ANO2: variants seen among roughly 807,000 people sequenced by gnomAD.
ANO2 encodes the protein anoctamin-2.
ANO2 carries 101 observed loss-of-function variants against 124.2 expected under a neutral mutation model. That is an observed-to-expected ratio of 0.81 (90% CI 0.69 to 0.96). The LOEUF (loss-of-function observed/expected upper bound fraction) is 0.96, where lower values mean the gene tolerates loss of function less well. ANO2 is among the 40% of genes least tolerant of loss of function. ANO2 has a pLI of 0.00. For synonymous variants in ANO2, 486 were observed against 482.5 expected, an observed-to-expected ratio of 1.01 and a Z score of -0.09; for missense variants, 1,293 against 1,274.5, an observed-to-expected ratio of 1.01 and a Z score of -0.22.
rs924671274 is a variant in ANO2, at chr12:5,796,137, TCA to T, written c.1055+3368_1055+3369del. Among the ~76,000 whole-genome samples, 4 of 150,594 alleles carry T rather than the reference TCA, an allele frequency of 2.7e-5. No homozygotes were observed. The East Asian group carries it at 7.8e-4, about 29-fold the overall frequency. On this transcript the variant is annotated intron_variant, in intron 10 of 24. Coordinates refer to ENST00000682330, the MANE Select transcript of ANO2 (RefSeq NM_001364791.2). ...TTCCAGAGAGCTCTCACACACACAC[TCA>T]CACACACACAGTCACACAATCGCTC...
intron 3 of ANO2, among the ~76,000 whole-genome samples, chr12:5,879,257 A>G (rs1251957271): frequency 7.0e-6 from 1 of 142,524 alleles, no homozygotes; most frequent in Non-Finnish European, 1.6e-5. Flanking sequence ...AGGCAGGTAA[A>G]TAAGAAGGGA....
chr12:5,886,231 C>CAAGT (rs199749156), intron 3 of ANO2, among the ~76,000 whole-genome samples: 5,469 of 152,206 alleles, frequency 0.036, 312 homozygotes, highest in African/African-American at 0.12. Flanking sequence ...TGGAAGCAAG[C>CAAGT]GTCTGTAAAT....
chr12:5,767,339 A>C (rs1429869722), intron 10 of ANO2, among the ~76,000 whole-genome samples: 10 of 152,174 alleles, frequency 6.6e-5, no homozygotes, highest in Non-Finnish European at 1.0e-4. Flanking sequence ...ATGACAGAAG[A>C]AGCCAGGCAA....
At chr12:5,848,366 T>G (rs202209665) in intron 4 of ANO2, among the ~76,000 whole-genome samples, 1 of 109,868 alleles carries the variant, frequency 9.1e-6, no homozygotes, top group Non-Finnish European at 2.2e-5. Context: ...CTTCCCCCCC[T>G]CCCCAGTTAC....
At position 5,769,149 on chromosome 12, in the gene ANO2, C is replaced by T. The variant is rs1325911861; in HGVS notation, c.1056-18179G>A. On this transcript the variant is annotated intron_variant, in intron 10 of 24. Coordinates refer to ENST00000682330, the MANE Select transcript of ANO2 (RefSeq NM_001364791.2). This position sits in a 1 kb window ranked among gnomAD's most constrained non-coding sequence, Gnocchi z 4.0. ...CAAGGAGAGGACCCTAGATTTACGA[C>T]ACTCTCCTGTGCTGTGCCACTTTTA... is the stretch of plus-strand genomic sequence containing the variant. Among the ~76,000 whole-genome samples the T allele has an allele frequency of 6.6e-6, 1 of 152,182 alleles. No homozygotes were observed. The highest frequency in any genetic ancestry group is 6.5e-5 in the Admixed American group (1 of 15,282).
At chr12:5,730,395 C>T (rs138389192) in intron 14 of ANO2, among the ~76,000 whole-genome samples, 10 of 152,234 alleles carry the variant, frequency 6.6e-5, no homozygotes, top group African/African-American at 2.4e-4. Flanking sequence ...TAAGCAAATT[C>T]GCGCACCACT....
rs1946030228 is a variant in ANO2, at chr12:5,636,645, C to T, written c.1621-1298G>A. Among the ~76,000 whole-genome samples, 1 of 150,208 alleles carries T rather than the reference C, an allele frequency of 6.7e-6. No individual in the cohort carries two copies. The highest frequency in any genetic ancestry group is 2.1e-4 in the South Asian group (1 of 4,660). The stretch of plus-strand genomic sequence containing the variant: ...ACACACACACACACACACACACACA[C>T]ACACGCATGCACAGGGAGGGAGGCA... On this transcript the variant is annotated intron_variant, in intron 15 of 24. Transcript: ENST00000682330. The surrounding 1 kb of genome is among the most constrained non-coding windows in gnomAD (Gnocchi z 4.6).
chr12:5,941,055 T>A (rs1428619026), intron 1 of ANO2, among the ~76,000 whole-genome samples: 9 of 152,186 alleles, frequency 5.9e-5, no homozygotes, highest in Non-Finnish European at 1.2e-4. Flanking sequence ...AATAGGCATA[T>A]CCATGGAGAC....
chr12:5,853,504 A>G (rs1954989146), intron 4 of ANO2, among the ~76,000 whole-genome samples: 1 of 152,176 alleles, frequency 6.6e-6, no homozygotes. Flanking sequence ...GAACAGTTTG[A>G]AAACACTTAC....
intron 1 of ANO2, among the ~76,000 whole-genome samples, chr12:5,923,184 ATACACACACACGCACGCACACACACC>A (rs1272750107): frequency 7.8e-5 from 5 of 63,894 alleles, no homozygotes; most frequent in Non-Finnish European, 1.5e-4. Flanking sequence ...GCACACACAC[ATACACACACACGCACGCACACACACC>A]CACATACACA....
intron 14 of ANO2, among the ~76,000 whole-genome samples, chr12:5,660,148 T>C (rs1947366537): frequency 1.3e-5 from 2 of 152,190 alleles, no homozygotes; most frequent in South Asian, 2.1e-4. Flanking sequence ...ATGCATTTTC[T>C]ACTTTTAATA....
chr12:5,763,089 T>C (rs1021325985), intron 10 of ANO2, among the ~76,000 whole-genome samples: 5 of 152,072 alleles, frequency 3.3e-5, no homozygotes, highest in South Asian at 4.1e-4. Flanking sequence ...TTTTGTTATA[T>C]TGACAAACAT....
chr12:5,694,697 G>A (rs1037297041), intron 14 of ANO2, among the ~76,000 whole-genome samples: 5 of 152,166 alleles, frequency 3.3e-5, no homozygotes, highest in African/African-American at 1.2e-4. Flanking sequence ...CTGGAAGTTT[G>A]CAGTGGAGCA....
intron 3 of ANO2, among the ~76,000 whole-genome samples, chr12:5,913,895 G>A (rs1044438916): frequency 1.3e-5 from 2 of 152,238 alleles, no homozygotes; most frequent in Non-Finnish European, 2.9e-5. Context: ...AAAAGGAGGT[G>A]GAAAGTGGGA....
chr12:5,910,731 G>C (rs1474394555), intron 3 of ANO2, among the ~76,000 whole-genome samples: 1 of 152,140 alleles, frequency 6.6e-6, no homozygotes, highest in Non-Finnish European at 1.5e-5. Context: ...AAGCTGTCCA[G>C]GGGTAGCAGG....
intron 1 of ANO2, among the ~76,000 whole-genome samples, chr12:5,923,209 C>G: frequency 1.3e-5 from 2 of 148,334 alleles, no homozygotes; most frequent in Non-Finnish European, 3.0e-5. Context: ...CGCACACACA[C>G]CCACATACAC....
intron 4 of ANO2, among the ~76,000 whole-genome samples, chr12:5,843,631 T>C (rs1954593755): frequency 6.6e-6 from 1 of 152,042 alleles, no homozygotes; most frequent in South Asian, 2.1e-4. Flanking sequence ...CTGGATGTAC[T>C]GAACTATCAA....
chr12:5,617,071 C>T lies in ANO2; in HGVS notation c.1817-1774G>A, dbSNP rs114568875. ...ACAGTGTACCACCTTCTCCAGATTA[C>T]ACCGTACCGCACTCTCCAGATCACA... On this transcript the variant is annotated intron_variant, in intron 16 of 24. Transcript: ENST00000682330. 6.6e-3 allele frequency among the ~76,000 whole-genome samples: 1,004 copies of T among 152,110 alleles called. 9 individuals carry two copies. Among genetic ancestry groups the T allele is most frequent in the African/African-American group, 0.023 (935 of 41,472 alleles).
chr12:5,810,027 C>T (rs1223383014), intron 7 of ANO2, among the ~76,000 whole-genome samples: 1 of 152,228 alleles, frequency 6.6e-6, no homozygotes, highest in African/African-American at 2.4e-5. Context: ...AGGTCCTTTG[C>T]TTTGGAGCAA....
Sources: allele counts gnomAD v4.1 joint callset (sites outside exome capture counted in the v4.1 genomes callset), GRCh38; gene constraint gnomAD v4.1.1; non-coding constraint Gnocchi (gnomAD v3.1); transcripts MANE v1.5; gene names NCBI Gene and HGNC (gene_info 2026-07-23, HGNC 2026-07-21).